RALYL: variants seen among roughly 807,000 people sequenced by gnomAD.
RALYL encodes RNA-binding Raly-like protein.
Under a neutral mutation model 35.1 loss-of-function variants are expected in RALYL, and 29 were observed. That is an observed-to-expected ratio of 0.83 (90% CI 0.61 to 1.13). The LOEUF (loss-of-function observed/expected upper bound fraction) is 1.13. Ranked by LOEUF, RALYL falls within the 50% of genes most tolerant of loss-of-function variation. The pLI is 0.00. For synonymous variants in RALYL, 120 were observed against 127.6 expected (o/e 0.94, Z 0.40); for missense variants, 359 against 360.4 (o/e 1.00, Z 0.03).
intron 2 of RALYL, among the ~76,000 whole-genome samples, chr8:84,682,050 G>A (rs548560308): frequency 6.6e-5 from 10 of 152,274 alleles, no homozygotes; most frequent in Admixed American, 2.0e-4. Flanking sequence ...TTAGCATGAA[G>A]GGCTGTTGGA....
At chr8:84,431,302 G>T (rs895777449) in intron 1 of RALYL, among the ~76,000 whole-genome samples, 1 of 152,056 alleles carries the variant, frequency 6.6e-6, no homozygotes, top group African/African-American at 2.4e-5. Context: ...CACAAATTGT[G>T]CACTTGGCCA....
chr8:84,544,597 T>C (rs2060232530), intron 2 of RALYL, among the ~76,000 whole-genome samples: 1 of 152,056 alleles, frequency 6.6e-6, no homozygotes, highest in African/African-American at 2.4e-5. Context: ...TTATCATTAG[T>C]TACACTGCAG....
At chr8:84,384,248 A>G (rs1858664308) in intron 1 of RALYL, among the ~76,000 whole-genome samples, 1 of 151,776 alleles carries the variant, frequency 6.6e-6, no homozygotes, top group African/African-American at 2.4e-5. Flanking sequence ...GGTTGTTGAA[A>G]GGATCAGAAG....
intron 1 of RALYL, among the ~76,000 whole-genome samples, chr8:84,286,597 G>T (rs912225351): frequency 1.3e-5 from 2 of 152,146 alleles, no homozygotes; most frequent in African/African-American, 4.8e-5. Context: ...AGATAAGGAG[G>T]TTTAAAGGCA....
intron 1 of RALYL, among the ~76,000 whole-genome samples, chr8:84,463,895 CTT>C (rs2051146437): frequency 6.6e-6 from 1 of 151,912 alleles, no homozygotes; most frequent in South Asian, 2.1e-4. Flanking sequence ...CCACTTGTCT[CTT>C]TGTTTTTTAT....
At chr8:84,676,085 T>C (rs145100182) in intron 2 of RALYL, among the ~76,000 whole-genome samples, 1 of 152,264 alleles carries the variant, frequency 6.6e-6, no homozygotes, top group East Asian at 1.9e-4. Context: ...CAAGTATACC[T>C]CAACAAGGCT....
intron 1 of RALYL, among the ~76,000 whole-genome samples, chr8:84,192,493 T>C (rs1473219449): frequency 6.6e-6 from 1 of 152,204 alleles, no homozygotes; most frequent in Non-Finnish European, 1.5e-5. Flanking sequence ...ACAGATGATA[T>C]TAGCAGATGA....
intron 2 of RALYL, among the ~76,000 whole-genome samples, chr8:84,721,049 A>C (rs1843807369): frequency 6.6e-6 from 1 of 151,976 alleles, no homozygotes. Flanking sequence ...GCCACAATGG[A>C]AAACAGTATG....
At chr8:84,559,044 T>G (rs562782716) in intron 2 of RALYL, among the ~76,000 whole-genome samples, 84 of 152,282 alleles carry the variant, frequency 5.5e-4, no homozygotes, top group South Asian at 1.0e-3. Flanking sequence ...TTCCATATTC[T>G]TTAACAGAGA....
At chr8:84,557,256 G>A (rs775505548) in intron 2 of RALYL, among the ~76,000 whole-genome samples, 76 of 152,114 alleles carry the variant, frequency 5.0e-4, no homozygotes, top group Non-Finnish European at 5.6e-4. Flanking sequence ...TTGTTTCCTC[G>A]AAGGAGAGAG....
intron 1 of RALYL, among the ~76,000 whole-genome samples, chr8:84,447,805 G>A (rs1307787013): frequency 6.6e-6 from 1 of 152,006 alleles, no homozygotes; most frequent in South Asian, 2.1e-4. Flanking sequence ...AGTCAGAGCT[G>A]AACTTGCAGT....
intron 1 of RALYL, among the ~76,000 whole-genome samples, chr8:84,345,101 T>C (rs73688486): frequency 0.028 from 4,155 of 146,534 alleles, 96 homozygotes; most frequent in African/African-American, 0.061. Flanking sequence ...TTCTTTCTCT[T>C]TTTTTTTTTT....
chr8:84,303,210 AAAT>A (rs1666952712), intron 1 of RALYL, among the ~76,000 whole-genome samples: 2 of 152,300 alleles, frequency 1.3e-5, no homozygotes, highest in Non-Finnish European at 2.9e-5. Flanking sequence ...ATATTAGAAA[AAAT>A]ATGAATGAAT....
At chr8:84,305,329 G>A (rs529813760) in intron 1 of RALYL, among the ~76,000 whole-genome samples, 87 of 152,126 alleles carry the variant, frequency 5.7e-4, no homozygotes, top group African/African-American at 1.7e-3. Flanking sequence ...TTAATCATTC[G>A]TCTAGTAATT....
At chr8:84,851,147 C>T (rs546789658) in intron 5 of RALYL, among the ~76,000 whole-genome samples, 7 of 152,022 alleles carry the variant, frequency 4.6e-5, no homozygotes, top group South Asian at 4.1e-4. Context: ...CAAAATGCCA[C>T]GTTTTGTCAC....
chr8:84,388,683 G>A (rs1859845744), intron 1 of RALYL, among the ~76,000 whole-genome samples: 1 of 151,952 alleles, frequency 6.6e-6, no homozygotes, highest in African/African-American at 2.4e-5. Context: ...CTTTTTGATG[G>A]GGTTGTTTGT....
At chr8:84,397,390 T>C (rs970529701) in intron 1 of RALYL, among the ~76,000 whole-genome samples, 2 of 152,200 alleles carry the variant, frequency 1.3e-5, no homozygotes, top group African/African-American at 4.8e-5. Context: ...AATTATAACA[T>C]TGTAAAATGG....
intron 1 of RALYL, among the ~76,000 whole-genome samples, chr8:84,500,347 A>G (rs941582561): frequency 3.9e-5 from 6 of 152,182 alleles, no homozygotes; most frequent in Non-Finnish European, 8.8e-5. Context: ...AAATCTGATG[A>G]AAAAACATTT....
chr8:84,867,768 T>G (rs1839435239), intron 6 of RALYL, among the ~76,000 whole-genome samples: 1 of 152,188 alleles, frequency 6.6e-6, no homozygotes, highest in Non-Finnish European at 1.5e-5. Context: ...CTTTTTTCTT[T>G]GCCCACATAG....
Sources: gnomAD v4.1 joint callset for allele counts (sites outside exome capture counted in the v4.1 genomes callset) on GRCh38, gnomAD v4.1.1 for gene constraint, MANE v1.5 for transcripts, NCBI Gene and HGNC (gene_info 2026-07-23, HGNC 2026-07-21) for gene names.